Variants in PDE1A observed in about 807,000 individuals in gnomAD.
PDE1A encodes phosphodiesterase 1A, also known as dual specificity calcium/calmodulin-dependent 3',5'-cyclic nucleotide phosphodiesterase 1A.
PDE1A carries 35 observed loss-of-function variants against 61.7 expected under a neutral mutation model. The ratio of observed to expected loss-of-function variants is 0.57; its 90% CI spans 0.43 to 0.75. The LOEUF (loss-of-function observed/expected upper bound fraction) is 0.75, where lower values mean the gene tolerates loss of function less well. PDE1A is among the 30% of genes least tolerant of loss of function. PDE1A has a pLI of 0.00. For missense variants in PDE1A, 597 were observed against 630.6 expected, an observed-to-expected ratio of 0.95 and a Z score of 0.57; for synonymous variants, 232 against 213.2, an observed-to-expected ratio of 1.09 and a Z score of -0.77.
the PDE1A span, among the ~76,000 whole-genome samples, chr2:182,671,157 G>A: frequency 0.45 from 67,405 of 150,840 alleles, 15,860 homozygotes; most frequent in South Asian, 0.53. Flanking sequence ...TGGTTATGCT[G>A]CAAGTCTATG....
chr2:182,234,922 A>G (rs2125663025), intron 3 of PDE1A, among the ~76,000 whole-genome samples: 1 of 152,300 alleles, frequency 6.6e-6, no homozygotes, highest in East Asian at 1.9e-4. Context: ...TTATATTTTT[A>G]TATTAAAATT....
chr2:182,265,239 C>A (rs1335406308), intron 1 of PDE1A, among the ~76,000 whole-genome samples: 1 of 150,844 alleles, frequency 6.6e-6, no homozygotes, highest in South Asian at 2.1e-4. Flanking sequence ...ACCACCTGTA[C>A]CCCCCAAAAA....
At chr2:182,577,749 G>A in the PDE1A span, among the ~76,000 whole-genome samples, 6 of 152,012 alleles carry the variant, frequency 3.9e-5, no homozygotes, top group Non-Finnish European at 7.4e-5. Context: ...GCAAAACCCC[G>A]TCTCTACTAA....
rs115448638 is a variant in PDE1A, at chr2:182,161,773, T to C, written c.1517-14621A>G. 6.2e-3 allele frequency among the ~76,000 whole-genome samples: 950 copies of C among 152,242 alleles called. 9 individuals carry two copies. The highest frequency in any genetic ancestry group is 0.022 in the African/African-American group (926 of 41,544). The stretch of plus-strand genomic sequence containing the variant: ...TCCAAGAAACATGCGTGGGAATGGA[T>C]ATTAAGGATGTGGGATTATGGTGGA... On this transcript the variant is annotated intron_variant, in intron 13 of 13. Transcript: ENST00000409365.
chr2:182,322,562 T>A (rs1293360001), intron 1 of PDE1A, among the ~76,000 whole-genome samples: 1 of 152,198 alleles, frequency 6.6e-6, no homozygotes, highest in Non-Finnish European at 1.5e-5. Flanking sequence ...AACCTCTTTT[T>A]CTTTATAAAT....
chr2:182,455,163 C>T (rs1161674158), intron 2 of PDE1A, among the ~76,000 whole-genome samples: 4 of 151,924 alleles, frequency 2.6e-5, no homozygotes, highest in Admixed American at 2.0e-4. Flanking sequence ...AAAATGCTCA[C>T]CATCACTGGC....
chr2:182,223,339 A>C (rs1265871115), intron 7 of PDE1A, among the ~76,000 whole-genome samples: 3 of 152,046 alleles, frequency 2.0e-5, no homozygotes, highest in Admixed American at 2.0e-4. Flanking sequence ...TGGCAGCCCT[A>C]ACAGACTAAC....
chr2:182,404,271 G>A (rs1702182546), intron 1 of PDE1A, among the ~76,000 whole-genome samples: 1 of 152,172 alleles, frequency 6.6e-6, no homozygotes, highest in African/African-American at 2.4e-5. Flanking sequence ...GGAAATGGAT[G>A]AAATTCTTTA....
chr2:182,376,350 A>G (rs1700403933), intron 1 of PDE1A, among the ~76,000 whole-genome samples: 1 of 152,172 alleles, frequency 6.6e-6, no homozygotes, highest in Non-Finnish European at 1.5e-5. Context: ...TCCCTACATC[A>G]TCTCTCTCAA....
intron 1 of PDE1A, among the ~76,000 whole-genome samples, chr2:182,369,101 G>T (rs138494006): frequency 6.6e-6 from 1 of 151,712 alleles, no homozygotes; most frequent in Non-Finnish European, 1.5e-5. Context: ...TTACTTCCCC[G>T]TCTTTCTATC....
the PDE1A span, among the ~76,000 whole-genome samples, chr2:182,710,759 A>G: frequency 3.3e-5 from 5 of 152,278 alleles, no homozygotes; most frequent in African/African-American, 7.2e-5. Context: ...TCATCTGTCA[A>G]TGGATACTTA....
intron 7 of PDE1A, among the ~76,000 whole-genome samples, chr2:182,212,084 A>G (rs1687655864): frequency 6.6e-6 from 1 of 152,116 alleles, no homozygotes; most frequent in Non-Finnish European, 1.5e-5. Context: ...CTTGTTCACA[A>G]TCTTAGTGGG....
intron 2 of PDE1A, among the ~76,000 whole-genome samples, chr2:182,483,249 G>A (rs1343195512): frequency 6.6e-6 from 1 of 151,730 alleles, no homozygotes; most frequent in African/African-American, 2.4e-5. Context: ...TTTTAATACT[G>A]TATTCTCAAT....
At chr2:182,608,706 G>A in the PDE1A span, among the ~76,000 whole-genome samples, 1 of 152,212 alleles carries the variant, frequency 6.6e-6, no homozygotes, top group Admixed American at 6.5e-5. Flanking sequence ...CTGCGCCTCC[G>A]GAGCCTCCCC....
At chr2:182,421,362 A>C (rs1207863946) in intron 1 of PDE1A, among the ~76,000 whole-genome samples, 1 of 152,142 alleles carries the variant, frequency 6.6e-6, no homozygotes, top group Non-Finnish European at 1.5e-5. Flanking sequence ...CCCACATTTT[A>C]ATCGTACCCT....
intron 13 of PDE1A, among the ~76,000 whole-genome samples, chr2:182,160,034 C>A (rs549653467): frequency 6.6e-6 from 1 of 152,178 alleles, no homozygotes; most frequent in Non-Finnish European, 1.5e-5. Context: ...CTCCTAACAG[C>A]TCTTGAGACA....
intron 1 of PDE1A, among the ~76,000 whole-genome samples, chr2:182,357,983 C>A (rs1489797617): frequency 1.3e-5 from 2 of 152,190 alleles, no homozygotes; most frequent in Admixed American, 6.5e-5. Flanking sequence ...TCAGCACCCA[C>A]TTCCTTGTGA....
intron 1 of PDE1A, among the ~76,000 whole-genome samples, chr2:182,307,444 T>C (rs529218298): frequency 2.0e-5 from 3 of 152,270 alleles, no homozygotes; most frequent in South Asian, 2.1e-4. Context: ...CATGTGATGA[T>C]GCAGCAAGAG....
chr2:182,220,936 A>G (rs1212049813), intron 7 of PDE1A, among the ~76,000 whole-genome samples: 1 of 152,072 alleles, frequency 6.6e-6, no homozygotes, highest in African/African-American at 2.4e-5. Context: ...ATTTTGGTTC[A>G]TGGAATTTTC....
Sources: allele counts gnomAD v4.1 joint callset (sites outside exome capture counted in the v4.1 genomes callset), GRCh38; gene constraint gnomAD v4.1.1; transcripts MANE v1.5; gene names NCBI Gene and HGNC (gene_info 2026-07-23, HGNC 2026-07-21).